TENM1: variants seen among roughly 807,000 people sequenced by gnomAD.
TENM1 encodes teneurin transmembrane protein 1, also known as teneurin-1.
TENM1 carries 35 observed loss-of-function variants against 174.8 expected under a neutral mutation model. That is an observed-to-expected ratio of 0.20 (90% CI 0.15 to 0.27). The LOEUF is 0.27. Among genes scored for constraint, TENM1 ranks in the 10% least tolerant of loss-of-function variants. The pLI is 1.00. For synonymous variants in TENM1, 781 were observed against 798.7 expected (o/e 0.98, Z 0.37); for missense variants, 1,633 against 2,130.1 (o/e 0.77, Z 4.59).
chrX:124,899,680 C>T (rs1190081310), intron 1 of TENM1, among the ~76,000 whole-genome samples: 1 of 111,965 alleles, frequency 8.9e-6, no homozygotes, highest in Non-Finnish European at 1.9e-5. Flanking sequence ...CTGCTTCTAG[C>T]TCTTTAAGGT....
At chrX:124,576,768 C>G (rs2049175166) in intron 11 of TENM1, among the ~76,000 whole-genome samples, 1 of 111,647 alleles carries the variant, frequency 9.0e-6, no homozygotes, top group South Asian at 3.8e-4. Context: ...AAAATTGCAC[C>G]AGGCAGAATT....
the TENM1 span, among the ~76,000 whole-genome samples, chrX:125,024,180 T>C: frequency 9.0e-6 from 1 of 111,244 alleles, no homozygotes; most frequent in Non-Finnish European, 1.9e-5. Flanking sequence ...AGATTTCTCA[T>C]GTAACTACCA....
intron 1 of TENM1, among the ~76,000 whole-genome samples, chrX:124,932,945 A>T (rs2058193458): frequency 8.9e-6 from 1 of 111,984 alleles, no homozygotes; most frequent in Non-Finnish European, 1.9e-5. Flanking sequence ...TAGGTTTAAG[A>T]TCACAATCAG....
intron 17 of TENM1, 108 bp downstream of exon 20, chrX:124,523,256 C>T: frequency 1.2e-6 from 1 of 841,369 alleles, no homozygotes. Context: ...TAAAGGGCAG[C>T]ACATTATAAG....
chrX:124,551,478 A>G (rs150732318), intron 14 of TENM1, among the ~76,000 whole-genome samples: 1,177 of 109,867 alleles, frequency 0.011, 17 homozygotes, highest in African/African-American at 0.038. Context: ...GCAGTTAACA[A>G]TTTTTTAAGA....
chrX:124,654,827 C>A (rs189625262), intron 6 of TENM1, among the ~76,000 whole-genome samples: 11 of 111,278 alleles, frequency 9.9e-5, no homozygotes, highest in Admixed American at 7.7e-4. Flanking sequence ...CAGACGGACA[C>A]AAGAATGACA....
At chrX:125,001,962 C>T in the TENM1 span, among the ~76,000 whole-genome samples, 1 of 105,743 alleles carries the variant, frequency 9.5e-6, no homozygotes, top group Non-Finnish European at 1.9e-5. Context: ...CACACACACA[C>T]ACACACACAC....
chrX:124,547,453 G>A (rs2048456861), intron 14 of TENM1, among the ~76,000 whole-genome samples: 1 of 112,090 alleles, frequency 8.9e-6, no homozygotes, highest in Admixed American at 9.5e-5. Context: ...CGAATGCGAT[G>A]ATTTCTTGTA....
chrX:124,518,566 C>G lies in TENM1; in HGVS notation c.3301+1951G>C, dbSNP rs2047770779. Among the ~76,000 whole-genome samples the G allele has an allele frequency of 2.7e-5, 3 of 111,192 alleles. 1 individual carries two copies. The Admixed American group carries it at 2.9e-4, about 11-fold the overall frequency. On this transcript the variant is annotated intron_variant, in intron 18 of 31. Coordinates refer to ENST00000422452, the Ensembl canonical transcript of TENM1. ...TGTGATCACAGTACCCTGGCCACAA[C>G]AAAATGAAAAAAAGCAATACCAGCA... is the stretch of plus-strand genomic sequence containing the variant.
At chrX:124,666,314 A>G (rs2051761460) in intron 6 of TENM1, among the ~76,000 whole-genome samples, 1 of 111,511 alleles carries the variant, frequency 9.0e-6, no homozygotes. Context: ...AACCTGCAGG[A>G]ATTCAGTATC....
chrX:125,170,016 G>A, the TENM1 span, among the ~76,000 whole-genome samples: 2 of 111,282 alleles, frequency 1.8e-5, no homozygotes, highest in East Asian at 5.6e-4. Flanking sequence ...TTAATGTTGG[G>A]GTAGTACCTA....
At chrX:124,404,960 C>A in intron 27 of TENM1, 71 bp downstream of exon 30, 1 of 707,058 alleles carries the variant, frequency 1.4e-6, no homozygotes, top group Middle Eastern at 3.9e-4. Context: ...GTTAAACAAA[C>A]AAACAAACAA....
At chrX:124,404,952 TAAACAAACAAAC>T (rs34194370) in intron 27 of TENM1, 67 bp downstream of exon 30, 317 of 871,463 alleles carry the variant, frequency 3.6e-4, no homozygotes, top group South Asian at 3.2e-3. Flanking sequence ...GCTCTGCAGT[TAAACAAACAAAC>T]AAACAAACAA....
chrX:124,617,641 C>T (rs1022563335), intron 11 of TENM1, among the ~76,000 whole-genome samples: 1 of 112,062 alleles, frequency 8.9e-6, no homozygotes, highest in Non-Finnish European at 1.9e-5. Flanking sequence ...TGGACTAGTT[C>T]CAGAAACCTA....
At position 124,533,009 on chromosome X, in the gene TENM1, T is replaced by C. The variant is rs778861162; in HGVS notation, c.2652-3026A>G. 8.0e-5 allele frequency among the ~76,000 whole-genome samples: 9 copies of C among 112,370 alleles called. No individual in the cohort carries two copies. In the South Asian group the frequency reaches 3.4e-3, roughly 42 times the overall value. On this transcript the variant is annotated intron_variant, in intron 15 of 31. Transcript: ENST00000422452. ...GTATTCTTTTTAATTTGCAGTAATCTTGACTGACACTGCATGCAGAAATTT... is the reference window on the plus strand; with the variant it reads ...GTATTCTTTTTAATTTGCAGTAATCCTGACTGACACTGCATGCAGAAATTT...
chrX:125,095,138 C>A, the TENM1 span, among the ~76,000 whole-genome samples: 3 of 111,739 alleles, frequency 2.7e-5, no homozygotes, highest in African/African-American at 9.8e-5. Flanking sequence ...GAACTCAGGT[C>A]TTTTCAGTCT....
chrX:125,127,477 T>C, the TENM1 span, among the ~76,000 whole-genome samples: 2 of 111,871 alleles, frequency 1.8e-5, no homozygotes, highest in Non-Finnish European at 3.8e-5. Flanking sequence ...TTTGTTATCA[T>C]AACTTAGCTA....
chrX:124,478,033 T>C (rs779437791), intron 22 of TENM1, among the ~76,000 whole-genome samples: 2 of 112,394 alleles, frequency 1.8e-5, no homozygotes, highest in African/African-American at 6.4e-5. Flanking sequence ...TCTAGCACAG[T>C]GTATGGCACA....
At chrX:124,582,276 G>T (rs971085937) in intron 11 of TENM1, among the ~76,000 whole-genome samples, 3 of 111,841 alleles carry the variant, frequency 2.7e-5, no homozygotes, top group Non-Finnish European at 3.8e-5. Flanking sequence ...TCTTTATCCA[G>T]TCTATCATTA....
Sources: allele counts gnomAD v4.1 joint callset (sites outside exome capture counted in the v4.1 genomes callset), GRCh38; gene constraint gnomAD v4.1.1; transcripts MANE v1.5; gene names NCBI Gene and HGNC (gene_info 2026-07-23, HGNC 2026-07-21).